IKBKB: variants seen among roughly 807,000 people sequenced by gnomAD.
IKBKB encodes inhibitor of nuclear factor kappa-B kinase subunit beta.
A neutral mutation model predicts 113.6 loss-of-function variants in IKBKB; 42 were observed. The ratio of observed to expected loss-of-function variants is 0.37; its 90% CI spans 0.29 to 0.48. The LOEUF is 0.48. IKBKB is among the 20% of genes least tolerant of loss of function. The probability of loss-of-function intolerance (pLI) is 0.99; values close to 1 mark genes in which losing one functional copy is unlikely to be tolerated. For synonymous variants in IKBKB, 296 were observed against 361.3 expected (o/e 0.82, Z 2.05); for missense variants, 673 against 939.7 (o/e 0.72, Z 3.71).
At chr8:42,284,349 G>A (rs1378236113) in intron 2 of IKBKB, among the ~76,000 whole-genome samples, 3 of 152,092 alleles carry the variant, frequency 2.0e-5, no homozygotes, top group Non-Finnish European at 4.4e-5. Context: ...TTGGGAGGCC[G>A]AGACGGGTGG....
In IKBKB at chr8:42,316,608, T is replaced by G; in HGVS notation, c.931-102T>G. 8.8e-7 allele frequency: 1 copy of G among 1,142,712 alleles called. No homozygotes were observed. Among genetic ancestry groups the G allele is most frequent in the Non-Finnish European group, 1.2e-6 (1 of 809,134 alleles). 70.8% of individuals were successfully genotyped at this position (1,142,712 alleles called of 1,614,324 possible). Reference sequence around the variant, plus strand: ...CCTCAAGCTAGGCCCTTGCTTTGTGTGGTTGGGAAATGTTGGGAGTAGCAG... The same window carrying G: ...CCTCAAGCTAGGCCCTTGCTTTGTGGGGTTGGGAAATGTTGGGAGTAGCAG... On this transcript the variant is annotated intron_variant, in intron 10 of 21. Coordinates refer to ENST00000520810, the MANE Select transcript of IKBKB (RefSeq NM_001556.3). The surrounding 1 kb of genome is among the most constrained non-coding windows in gnomAD (Gnocchi z 4.5).
At chr8:42,315,558 A>G (rs1302583660) in intron 9 of IKBKB, among the ~76,000 whole-genome samples, 1 of 152,182 alleles carries the variant, frequency 6.6e-6, no homozygotes, top group African/African-American at 2.4e-5. Context: ...GTGAACCGCT[A>G]TATCTGGCAG....
At chr8:42,295,726 A>G (rs990269370) in intron 5 of IKBKB, among the ~76,000 whole-genome samples, 1 of 140,552 alleles carries the variant, frequency 7.1e-6, no homozygotes, top group Non-Finnish European at 1.5e-5. Context: ...CTCCATCTTG[A>G]AAAAAAAAAA....
chr8:42,306,473 C>A, intron 7 of IKBKB, 41 bp downstream of exon 7: 1 of 1,302,342 alleles, frequency 7.7e-7, no homozygotes, highest in East Asian at 2.3e-5. Context: ...CAGCTCCTCC[C>A]TGCTGCTGCA....
intron 4 of IKBKB, among the ~76,000 whole-genome samples, chr8:42,293,154 G>A (rs983490597): frequency 6.6e-6 from 1 of 152,158 alleles, no homozygotes; most frequent in Non-Finnish European, 1.5e-5. Flanking sequence ...AGCCTGCCTT[G>A]CTCAGAACTG....
At chr8:42,306,280 G>A (rs1172961233) in intron 6 of IKBKB, 63 bp from the exon 7 acceptor site, 1 of 1,061,480 alleles carries the variant, frequency 9.4e-7, no homozygotes. Context: ...CAGGCAGTCA[G>A]AATCCTCGTA....
At chr8:42,272,939 CAAAA>C (rs71221204) in intron 2 of IKBKB, among the ~76,000 whole-genome samples, 7 of 51,572 alleles carry the variant, frequency 1.4e-4, no homozygotes, top group Admixed American at 4.2e-4. Context: ...GACTCCGTCT[CAAAA>C]AAAAAAAAAA....
At chr8:42,292,347 G>A (rs1005280633) in intron 4 of IKBKB, among the ~76,000 whole-genome samples, 1 of 152,240 alleles carries the variant, frequency 6.6e-6, no homozygotes, top group Non-Finnish European at 1.5e-5. Flanking sequence ...GAGATCGAAA[G>A]TTTAACATGA....
intron 9 of IKBKB, 48 bp downstream of exon 9, chr8:42,314,477 T>G (rs777314418): frequency 3.1e-6 from 4 of 1,281,548 alleles, no homozygotes; most frequent in Non-Finnish European, 4.6e-6. Flanking sequence ...TTGCTTTTTT[T>G]AGAAATACAA....
chr8:42,276,248 T>C (rs1270244192), intron 2 of IKBKB, among the ~76,000 whole-genome samples: 1 of 152,216 alleles, frequency 6.6e-6, no homozygotes, highest in Non-Finnish European at 1.5e-5. Flanking sequence ...ATCCTTGCCT[T>C]CATTTGTTAC....
At chr8:42,298,357 CTG>C (rs1814358845) in intron 5 of IKBKB, 2 of 985,330 alleles carry the variant, frequency 2.0e-6, no homozygotes, top group African/African-American at 3.5e-5. Context: ...ACCCACCCCT[CTG>C]TTGCTGTCCC....
intron 2 of IKBKB, among the ~76,000 whole-genome samples, chr8:42,280,146 T>A (rs141685989): frequency 1.2e-3 from 179 of 152,276 alleles, no homozygotes; most frequent in African/African-American, 4.0e-3. Context: ...CTGTGCTTGG[T>A]TGAAAAACAC....
intron 19 of IKBKB, among the ~76,000 whole-genome samples, chr8:42,323,457 C>T (rs917071686): frequency 9.2e-5 from 14 of 152,100 alleles, no homozygotes; most frequent in African/African-American, 2.7e-4. Context: ...CAGGCCTGGC[C>T]GTGTTGTGGG....
intron 2 of IKBKB, among the ~76,000 whole-genome samples, chr8:42,285,068 C>G (rs1335131234): frequency 6.6e-6 from 1 of 152,116 alleles, no homozygotes; most frequent in East Asian, 2.0e-4. Context: ...GTTGGCCAGG[C>G]TGGTCTCGAA....
At chr8:42,310,406 C>G (rs1248378942) in intron 8 of IKBKB, among the ~76,000 whole-genome samples, 2 of 152,114 alleles carry the variant, frequency 1.3e-5, no homozygotes, top group Admixed American at 1.3e-4. Flanking sequence ...TCGTATCTTC[C>G]AGGGGTGTTT....
At chr8:42,299,588 C>T (rs936583305) in intron 5 of IKBKB, among the ~76,000 whole-genome samples, 3 of 151,838 alleles carry the variant, frequency 2.0e-5, no homozygotes, top group African/African-American at 7.3e-5. Context: ...CTGTGTGTGA[C>T]CCGCAGAACC....
chr8:42,277,180 A>ATTT (rs751878075), intron 2 of IKBKB, among the ~76,000 whole-genome samples: 3 of 84,904 alleles, frequency 3.5e-5, no homozygotes, highest in Non-Finnish European at 5.0e-5. Context: ...CGTGTGGCTA[A>ATTT]TTTTTTTTTT....
At chr8:42,275,348 C>T (rs1275966804) in intron 2 of IKBKB, among the ~76,000 whole-genome samples, 8 of 151,270 alleles carry the variant, frequency 5.3e-5, no homozygotes, top group African/African-American at 7.4e-5. Flanking sequence ...TTGCCATGCC[C>T]GGCTAATTTT....
At chr8:42,299,236 C>T (rs1814608283) in intron 5 of IKBKB, among the ~76,000 whole-genome samples, 2 of 152,208 alleles carry the variant, frequency 1.3e-5, no homozygotes, top group African/African-American at 4.8e-5. Flanking sequence ...TCAGCCCCCG[C>T]TCCTGCTCAT....
Sources: gnomAD v4.1 joint callset for allele counts (sites outside exome capture counted in the v4.1 genomes callset) on GRCh38, gnomAD v4.1.1 for gene constraint, Gnocchi (gnomAD v3.1) non-coding constraint, MANE v1.5 for transcripts, NCBI Gene and HGNC (gene_info 2026-07-23, HGNC 2026-07-21) for gene names.